Variants in RPIA observed in about 807,000 individuals in gnomAD.
RPIA encodes the protein ribose-5-phosphate isomerase.
Under a neutral mutation model 37.8 loss-of-function variants are expected in RPIA, and 29 were observed. The observed-to-expected ratio is 0.77, with a 90% confidence interval of 0.57 to 1.05. RPIA has a LOEUF of 1.05. Among genes scored for constraint, RPIA ranks in the 50% least tolerant of loss-of-function variants. The probability of loss-of-function intolerance (pLI) is 0.00; values close to 1 mark genes in which losing one functional copy is unlikely to be tolerated. For missense variants in RPIA, 385 were observed against 413.6 expected, an observed-to-expected ratio of 0.93 and a Z score of 0.60; for synonymous variants, 167 against 157.0, an observed-to-expected ratio of 1.06 and a Z score of -0.48.
chr2:88,698,427 A>G (rs1672786081), intron 1 of RPIA, 57 bp from the exon 2 acceptor site: 1 of 1,459,072 alleles, frequency 6.9e-7, no homozygotes. Flanking sequence ...GTAGGCTGAC[A>G]AAGGAGTAAA....
intron 3 of RPIA, among the ~76,000 whole-genome samples, chr2:88,707,621 C>T (rs1323263055): frequency 6.6e-6 from 1 of 152,162 alleles, no homozygotes; most frequent in Non-Finnish European, 1.5e-5. Flanking sequence ...CTCTTGTCCA[C>T]CAAGTAGCTC....
At chr2:88,721,573 C>CACA (rs1558694806) in intron 3 of RPIA, among the ~76,000 whole-genome samples, 9 of 23,792 alleles carry the variant, frequency 3.8e-4, no homozygotes, top group South Asian at 1.1e-3. Context: ...ACACACACAC[C>CACA]CCCCCCCCCA....
chr2:88,738,737 T>TTG (rs1402035430), intron 8 of RPIA, among the ~76,000 whole-genome samples: 3 of 152,352 alleles, frequency 2.0e-5, no homozygotes, highest in South Asian at 4.1e-4. Context: ...CATCCATGCC[T>TTG]TGGCATAACA....
chr2:88,710,393 G>A (rs1418475130), intron 3 of RPIA, among the ~76,000 whole-genome samples: 1 of 152,152 alleles, frequency 6.6e-6, no homozygotes, highest in Admixed American at 6.5e-5. Context: ...AGGAGCAGTT[G>A]GAGGGGAGGA....
chr2:88,741,446 T>C (rs1437078028), intron 8 of RPIA, among the ~76,000 whole-genome samples: 1 of 152,230 alleles, frequency 6.6e-6, no homozygotes, highest in African/African-American at 2.4e-5. Flanking sequence ...TGTGTATATA[T>C]ATCACATTTT....
At chr2:88,740,086 T>C (rs544483549) in intron 8 of RPIA, among the ~76,000 whole-genome samples, 23 of 152,250 alleles carry the variant, frequency 1.5e-4, no homozygotes, top group Admixed American at 1.5e-3. Flanking sequence ...TCACTGTTAG[T>C]AAAATGGGAG....
chr2:88,712,477 A>G (rs569480110), intron 3 of RPIA, among the ~76,000 whole-genome samples: 8 of 152,194 alleles, frequency 5.3e-5, no homozygotes, highest in Non-Finnish European at 1.2e-4. Flanking sequence ...GAATGGATAA[A>G]TGGAAGATGA....
Position 88,691,953 on chromosome 2 carries a change from G to T in RPIA, c.255G>T (p.Ala85=). ...MSKAEEAKKL[A]GRAAVENHVR... Reference sequence around the variant, plus strand: ...AGGCCGAGGAGGCCAAGAAGCTGGCGGGCCGCGCGGCTGTGGAGAACCACG... The same window carrying T: ...AGGCCGAGGAGGCCAAGAAGCTGGCTGGCCGCGCGGCTGTGGAGAACCACG... Residue 85 remains alanine, a synonymous_variant, in exon 1 of 9, where the codon GCG becomes GCT. Coordinates refer to ENST00000283646, the MANE Select transcript of RPIA (RefSeq NM_144563.3). The T allele has an allele frequency of 6.3e-7, 1 of 1,594,222 alleles. No individual in the cohort carries two copies. The highest frequency in any genetic ancestry group is 1.1e-5 in the South Asian group (1 of 88,068).
chr2:88,726,684 C>T (rs1448036382), intron 3 of RPIA, among the ~76,000 whole-genome samples: 3 of 152,184 alleles, frequency 2.0e-5, no homozygotes, highest in Non-Finnish European at 4.4e-5. Flanking sequence ...AGAGCCAACT[C>T]CTTGTCCAGG....
At chr2:88,701,933 A>G (rs1672837586) in intron 3 of RPIA, among the ~76,000 whole-genome samples, 1 of 152,250 alleles carries the variant, frequency 6.6e-6, no homozygotes, top group South Asian at 2.1e-4. Flanking sequence ...GATAATCAAC[A>G]ATATGATGAG....
rs369848029 is a variant in RPIA at position 88,698,564 on chromosome 2, A to G, written c.346+20A>G. ...GAATAGGTATGCTCTCTCACTGTCT[A>G]CTGGATGTTTTGTGTGTGATGATGG... On this transcript the variant is annotated intron_variant, in intron 2 of 8. Coordinates refer to ENST00000283646, the MANE Select transcript of RPIA (RefSeq NM_144563.3). 5 of 1,608,818 alleles carry G rather than the reference A, an allele frequency of 3.1e-6. No homozygotes were observed. The highest frequency in any genetic ancestry group is 1.7e-5 in the Admixed American group (1 of 60,002).
intron 5 of RPIA, 27 bp from the exon 6 acceptor site, chr2:88,735,642 C>T: frequency 6.2e-7 from 1 of 1,611,506 alleles, no homozygotes; most frequent in East Asian, 2.2e-5. Flanking sequence ...TGTCTTACTC[C>T]TGTGTTCCTT....
chr2:88,720,821 T>G (rs1673111642), intron 3 of RPIA, among the ~76,000 whole-genome samples: 1 of 151,998 alleles, frequency 6.6e-6, no homozygotes, highest in African/African-American at 2.4e-5. Context: ...TCCTCAAGGA[T>G]CTAGAACCAG....
intron 3 of RPIA, among the ~76,000 whole-genome samples, chr2:88,706,468 T>A (rs1387824010): frequency 6.6e-6 from 1 of 151,488 alleles, no homozygotes; most frequent in Non-Finnish European, 1.5e-5. Flanking sequence ...AAACCAAACA[T>A]TGCATGTTCT....
In RPIA at chr2:88,739,747, A is replaced by T. The variant is rs538102123; in HGVS notation, c.838+1671A>T. Among the ~76,000 whole-genome samples the T allele has an allele frequency of 1.5e-3, 222 of 152,262 alleles. 1 individual carries two copies. The highest frequency in any genetic ancestry group is 4.7e-3 in the African/African-American group (197 of 41,542). ...GTTCTCCCATTTCAGCGTCCCCAGT[A>T]GATGGGACTGCAGACACACACCACC... On this transcript the variant is annotated intron_variant, in intron 8 of 8. Transcript: ENST00000283646.
At chr2:88,694,164 T>A (rs1237967150) in intron 1 of RPIA, among the ~76,000 whole-genome samples, 3 of 152,274 alleles carry the variant, frequency 2.0e-5, no homozygotes, top group Non-Finnish European at 4.4e-5. Flanking sequence ...GGCAGTCTTC[T>A]GCTGTTGGGC....
chr2:88,747,043 C>T (rs1436371896), intron 8 of RPIA, among the ~76,000 whole-genome samples: 1 of 152,014 alleles, frequency 6.6e-6, no homozygotes, highest in Non-Finnish European at 1.5e-5. Flanking sequence ...TCTTTGGCTA[C>T]CAGGGCAGGT....
chr2:88,702,437 T>G (rs1019830637), intron 3 of RPIA, among the ~76,000 whole-genome samples: 3 of 134,214 alleles, frequency 2.2e-5, no homozygotes, highest in African/African-American at 6.7e-5. Flanking sequence ...TTCCACGTGC[T>G]GGGGAAGCCT....
At chr2:88,739,021 G>C (rs1388196664) in intron 8 of RPIA, among the ~76,000 whole-genome samples, 1 of 152,192 alleles carries the variant, frequency 6.6e-6, no homozygotes, top group Non-Finnish European at 1.5e-5. Context: ...ATAAGAGCCA[G>C]GATGGCCCTG....
Sources: gnomAD v4.1 joint callset for allele counts (sites outside exome capture counted in the v4.1 genomes callset) on GRCh38, gnomAD v4.1.1 for gene constraint, MANE v1.5 for transcripts, NCBI Gene and HGNC (gene_info 2026-07-23, HGNC 2026-07-21) for gene names.